Variants in SLC25A48 observed in about 807,000 individuals in gnomAD.
SLC25A48 encodes CTC-321K16.1.
Under a neutral mutation model 32.2 loss-of-function variants are expected in SLC25A48, and 29 were observed. The ratio of observed to expected loss-of-function variants is 0.90; its 90% confidence interval spans 0.67 to 1.23. SLC25A48 has a LOEUF of 1.23. Among genes scored for constraint, SLC25A48 ranks in the 50% most tolerant of loss-of-function variants. SLC25A48 has a pLI of 0.00. For synonymous variants in SLC25A48, 164 were observed against 172.3 expected (o/e 0.95, Z 0.38); for missense variants, 399 against 422.7 (o/e 0.94, Z 0.49).
intron 3 of SLC25A48, among the ~76,000 whole-genome samples, chr5:135,786,979 C>G (rs1756864238): frequency 1.3e-5 from 2 of 151,960 alleles, no homozygotes; most frequent in Admixed American, 6.6e-5. Flanking sequence ...TGTGTGTACA[C>G]TATGTGTATA....
At chr5:135,611,534 G>GAAAA (rs1752071327) in intron 1 of SLC25A48, among the ~76,000 whole-genome samples, 2 of 93,724 alleles carry the variant, frequency 2.1e-5, no homozygotes, top group African/African-American at 4.1e-5. Flanking sequence ...AAAAGAAAAA[G>GAAAA]AAAAGAAAAG....
rs375695757 is a variant in SLC25A48 at position 135,871,582 on chromosome 5, C to T, written c.543C>T (p.Ala181=). The T allele has an allele frequency of 8.7e-6, 14 of 1,614,088 alleles. No individual in the cohort carries two copies. The highest frequency in any genetic ancestry group is 1.1e-5 in the Non-Finnish European group (13 of 1,180,038). The part of the protein sequence containing the change: ...NEGLAGLYRG[A]SAMLLRDVPG... Reference sequence around the variant, plus strand: ...GCCTGGCGGGGCTATACCGGGGGGCCAGTGCCATGCTGCTGAGGGATGTCC... The same window carrying T: ...GCCTGGCGGGGCTATACCGGGGGGCTAGTGCCATGCTGCTGAGGGATGTCC... The change falls in exon 5 of 8, where the codon GCC becomes GCT. Residue 181 remains alanine, a synonymous_variant. Coordinates refer to ENST00000681962, the MANE Select transcript of SLC25A48 (RefSeq NM_001349336.2).
chr5:135,884,632 C>T (rs1762654076), intron 7 of SLC25A48, among the ~76,000 whole-genome samples: 1 of 152,110 alleles, frequency 6.6e-6, no homozygotes, highest in African/African-American at 2.4e-5. Flanking sequence ...TCTGGGTGGG[C>T]ACGGAGGATG....
At chr5:135,622,008 A>G (rs1398244447) in intron 1 of SLC25A48, among the ~76,000 whole-genome samples, 1 of 152,230 alleles carries the variant, frequency 6.6e-6, no homozygotes, top group Non-Finnish European at 1.5e-5. Context: ...TAAAAGCATG[A>G]TAGAAAAAAG....
intron 3 of SLC25A48, among the ~76,000 whole-genome samples, chr5:135,651,037 T>C (rs1753098926): frequency 6.6e-6 from 1 of 152,118 alleles, no homozygotes; most frequent in African/African-American, 2.4e-5. Flanking sequence ...TTGTTGATAA[T>C]GGAGGTGGGC....
chr5:135,612,994 C>T (rs1206289736), intron 1 of SLC25A48, among the ~76,000 whole-genome samples: 1 of 152,158 alleles, frequency 6.6e-6, no homozygotes, highest in African/African-American at 2.4e-5. Context: ...GAGAAATCTT[C>T]ATACTGCTTT....
chr5:135,804,930 C>A (rs1280280848), intron 3 of SLC25A48, among the ~76,000 whole-genome samples: 1 of 150,960 alleles, frequency 6.6e-6, no homozygotes, highest in Non-Finnish European at 1.5e-5. Flanking sequence ...GGAGATTTTT[C>A]TCTTAGTTTC....
chr5:135,770,491 G>T (rs1250989881), intron 3 of SLC25A48, among the ~76,000 whole-genome samples: 1 of 151,450 alleles, frequency 6.6e-6, no homozygotes, highest in Non-Finnish European at 1.5e-5. Flanking sequence ...TACTTTCAAT[G>T]TCGCCGAGGT....
At chr5:135,867,999 A>G (rs1216998433) in intron 4 of SLC25A48, among the ~76,000 whole-genome samples, 1 of 152,192 alleles carries the variant, frequency 6.6e-6, no homozygotes, top group African/African-American at 2.4e-5. Flanking sequence ...GCTCTCCCTA[A>G]CTGGGCTGTA....
chr5:135,593,506 A>G (rs1016596932), intron 1 of SLC25A48, among the ~76,000 whole-genome samples: 1 of 152,220 alleles, frequency 6.6e-6, no homozygotes, highest in African/African-American at 2.4e-5. Flanking sequence ...AAGCAATTCC[A>G]TTTAATTAAG....
At chr5:135,718,011 T>TTTGTTG (rs35741305) in intron 3 of SLC25A48, among the ~76,000 whole-genome samples, 1 of 151,702 alleles carries the variant, frequency 6.6e-6, no homozygotes, top group Non-Finnish European at 1.5e-5. Context: ...AGACTCCTTT[T>TTTGTTG]TTGTTGTTGT....
chr5:135,751,549 ACAGGT>A (rs1274242117), intron 3 of SLC25A48, among the ~76,000 whole-genome samples: 1 of 152,192 alleles, frequency 6.6e-6, no homozygotes, highest in African/African-American at 2.4e-5. Flanking sequence ...AATTAGTCAC[ACAGGT>A]CAGGTGCAGT....
intron 7 of SLC25A48, chr5:135,882,967 A>T: frequency 1.1e-6 from 1 of 892,616 alleles, no homozygotes; most frequent in Non-Finnish European, 1.3e-6. Context: ...TTACTGCTTC[A>T]CAAACCCAGT....
intron 4 of SLC25A48, among the ~76,000 whole-genome samples, chr5:135,853,976 A>G (rs1336590475): frequency 6.6e-6 from 1 of 152,228 alleles, no homozygotes; most frequent in African/African-American, 2.4e-5. Context: ...TGGAAACAAC[A>G]TTCATCTCCT....
At chr5:135,699,627 G>C (rs1754344980) in intron 3 of SLC25A48, among the ~76,000 whole-genome samples, 1 of 152,216 alleles carries the variant, frequency 6.6e-6, no homozygotes, top group African/African-American at 2.4e-5. Flanking sequence ...GAACACGTGA[G>C]ATCTGTGCAT....
chr5:135,683,255 A>G (rs1753941781), intron 3 of SLC25A48, among the ~76,000 whole-genome samples: 3 of 152,246 alleles, frequency 2.0e-5, no homozygotes, highest in Non-Finnish European at 2.9e-5. Flanking sequence ...AGTTCTGGGA[A>G]TGAGGAGAAC....
chr5:135,671,213 T>A (rs1474605136), intron 3 of SLC25A48, among the ~76,000 whole-genome samples: 1 of 152,206 alleles, frequency 6.6e-6, no homozygotes, highest in African/African-American at 2.4e-5. Flanking sequence ...AATCTTGGGC[T>A]CAAGCTTGCA....
intron 3 of SLC25A48, among the ~76,000 whole-genome samples, chr5:135,683,001 T>C (rs557585144): frequency 6.6e-6 from 1 of 152,328 alleles, no homozygotes; most frequent in African/African-American, 2.4e-5. Flanking sequence ...TTAATGTCAC[T>C]GGATGGCTGT....
chr5:135,873,943 G>A (rs1581048634), intron 5 of SLC25A48, 78 bp from the exon 6 acceptor site: 2 of 1,398,962 alleles, frequency 1.4e-6, no homozygotes, highest in African/African-American at 3.0e-5. Flanking sequence ...ATCTCTAAAT[G>A]GTAGAAATCT....
Sources: gnomAD v4.1 joint callset for allele counts (sites outside exome capture counted in the v4.1 genomes callset) on GRCh38, gnomAD v4.1.1 for gene constraint, MANE v1.5 for transcripts, NCBI Gene and HGNC (gene_info 2026-07-23, HGNC 2026-07-21) for gene names.